The following GALNT13 variants were observed in gnomAD, a reference collection of about 807,000 sequenced individuals.
The protein encoded by GALNT13 is UDP-GalNAc:polypeptide N-acetylgalactosaminyltransferase 13.
A neutral mutation model predicts 64.2 loss-of-function variants in GALNT13; 28 were observed. The observed-to-expected ratio is 0.44, with a 90% confidence interval of 0.32 to 0.60. The LOEUF (loss-of-function observed/expected upper bound fraction) is 0.60. GALNT13 is among the 20% of genes least tolerant of loss of function. The pLI, the probability that GALNT13 is intolerant of heterozygous loss-of-function variation, is 0.05. For synonymous variants in GALNT13, 214 were observed against 224.6 expected (o/e 0.95, Z 0.42); for missense variants, 577 against 669.8 (o/e 0.86, Z 1.53).
the GALNT13 span, among the ~76,000 whole-genome samples, chr2:153,460,169 C>T: frequency 6.6e-6 from 1 of 152,054 alleles, no homozygotes; most frequent in Non-Finnish European, 1.5e-5. Context: ...TTTCTTCTCA[C>T]TTCTCTCTAA....
chr2:153,969,078 T>G (rs1462697937), intron 3 of GALNT13, among the ~76,000 whole-genome samples: 2 of 152,144 alleles, frequency 1.3e-5, no homozygotes, highest in Non-Finnish European at 2.9e-5. Context: ...TGAATTGTCT[T>G]TGCTCTCATT....
chr2:153,251,232 A>C, the GALNT13 span, among the ~76,000 whole-genome samples: 1 of 152,164 alleles, frequency 6.6e-6, no homozygotes, highest in Non-Finnish European at 1.5e-5. Context: ...AATTATGGGA[A>C]TCTCCTATAA....
the GALNT13 span, among the ~76,000 whole-genome samples, chr2:153,213,074 A>G: frequency 2.0e-5 from 3 of 152,230 alleles, no homozygotes; most frequent in Admixed American, 1.3e-4. Context: ...AGTACCTACT[A>G]TGGTCAAGAA....
At chr2:154,126,164 G>A (rs951894010) in intron 3 of GALNT13, among the ~76,000 whole-genome samples, 37 of 151,922 alleles carry the variant, frequency 2.4e-4, no homozygotes, top group African/African-American at 9.0e-4. Context: ...TTTTTCCCAA[G>A]ACCACATAAT....
At chr2:153,353,749 C>T in the GALNT13 span, among the ~76,000 whole-genome samples, 1 of 152,046 alleles carries the variant, frequency 6.6e-6, no homozygotes, top group Admixed American at 6.6e-5. Flanking sequence ...AAGAATTACA[C>T]TAATTGATTT....
At chr2:153,765,661 A>G in the GALNT13 span, among the ~76,000 whole-genome samples, 3 of 152,112 alleles carry the variant, frequency 2.0e-5, no homozygotes, top group African/African-American at 7.2e-5. Flanking sequence ...TTGTGTTTTT[A>G]AATGTGAAAA....
intron 8 of GALNT13, among the ~76,000 whole-genome samples, chr2:154,295,421 T>A (rs527459482): frequency 7.3e-5 from 11 of 151,650 alleles, no homozygotes; most frequent in Non-Finnish European, 1.6e-4. Context: ...TGGAGTGCAG[T>A]GGCGCGACCT....
chr2:154,180,951 C>T (rs529639418), intron 4 of GALNT13, among the ~76,000 whole-genome samples: 92 of 152,270 alleles, frequency 6.0e-4, no homozygotes, highest in Non-Finnish European at 1.1e-3. Context: ...AAACCATCAA[C>T]CCTTACCATT....
chr2:153,292,225 G>A, the GALNT13 span, among the ~76,000 whole-genome samples: 1 of 152,088 alleles, frequency 6.6e-6, no homozygotes, highest in Admixed American at 6.5e-5. Flanking sequence ...TCTCCTGGAG[G>A]GAGCAGGTGG....
At chr2:153,586,901 C>T in the GALNT13 span, among the ~76,000 whole-genome samples, 17 of 151,170 alleles carry the variant, frequency 1.1e-4, no homozygotes, top group Admixed American at 7.9e-4. Flanking sequence ...TGTACCAATA[C>T]ATGGAAATTA....
intron 3 of GALNT13, among the ~76,000 whole-genome samples, chr2:154,003,073 C>A (rs555322704): frequency 2.6e-5 from 4 of 152,244 alleles, no homozygotes; most frequent in Admixed American, 2.0e-4. Context: ...TTCACATATA[C>A]TAGGCTCCCT....
chr2:153,104,849 T>G, the GALNT13 span, among the ~76,000 whole-genome samples: 1 of 152,150 alleles, frequency 6.6e-6, no homozygotes, highest in Non-Finnish European at 1.5e-5. Flanking sequence ...TATTTTGTAA[T>G]CATTTTACCA....
chr2:153,452,681 T>A, the GALNT13 span, among the ~76,000 whole-genome samples: 1 of 151,976 alleles, frequency 6.6e-6, no homozygotes, highest in African/African-American at 2.4e-5. Context: ...ATCAATACTG[T>A]TAAGATGTTC....
intron 9 of GALNT13, among the ~76,000 whole-genome samples, chr2:154,330,037 G>A (rs1695083797): frequency 6.6e-6 from 1 of 151,976 alleles, no homozygotes; most frequent in South Asian, 2.1e-4. Flanking sequence ...TAAGACATCA[G>A]CCAATTAGTT....
At chr2:153,281,320 G>A in the GALNT13 span, among the ~76,000 whole-genome samples, 4 of 148,704 alleles carry the variant, frequency 2.7e-5, no homozygotes, top group East Asian at 2.1e-4. Flanking sequence ...TGAGCCTTGC[G>A]TTTTTTTTTT....
At position 154,242,011 on chromosome 2, in the gene GALNT13, C is replaced by T. The variant is rs1296506820; in HGVS notation, c.312-19C>T. On this transcript the variant is annotated intron_variant, in intron 4 of 12. Transcript: ENST00000392825. ...AAAAAATGCATTTATTAAGATCCCTCTTCTTTTCTCTTTTTCAGATGTAAG... is the reference window on the plus strand; with the variant it reads ...AAAAAATGCATTTATTAAGATCCCTTTTCTTTTCTCTTTTTCAGATGTAAG... 5.3e-6 allele frequency: 8 copies of T among 1,522,254 alleles called. No individual in the cohort carries two copies. The highest frequency in any genetic ancestry group is 7.1e-6 in the Non-Finnish European group (8 of 1,121,306). 94.3% of individuals were successfully genotyped at this position (1,522,254 alleles called of 1,614,324 possible). A position where few individuals can be genotyped will look rare whatever the true frequency, so the allele number is the denominator to read the frequency against.
chr2:153,472,545 CT>C, the GALNT13 span, among the ~76,000 whole-genome samples: 7 of 152,100 alleles, frequency 4.6e-5, no homozygotes, highest in African/African-American at 1.7e-4. Context: ...CTATATAACT[CT>C]TTGAATTATG....
At chr2:153,239,183 T>C in the GALNT13 span, among the ~76,000 whole-genome samples, 2 of 152,180 alleles carry the variant, frequency 1.3e-5, no homozygotes, top group African/African-American at 2.4e-5. Flanking sequence ...AGTATGGTGA[T>C]TTTGTGTATT....
the GALNT13 span, among the ~76,000 whole-genome samples, chr2:153,300,540 A>T: frequency 6.6e-6 from 1 of 152,314 alleles, no homozygotes; most frequent in South Asian, 2.1e-4. Context: ...ATGTAAGCAA[A>T]TATTTTGAGT....
Sources: gnomAD v4.1 joint callset for allele counts (sites outside exome capture counted in the v4.1 genomes callset) on GRCh38, gnomAD v4.1.1 for gene constraint, MANE v1.5 for transcripts, NCBI Gene and HGNC (gene_info 2026-07-23, HGNC 2026-07-21) for gene names.